Variants in SUGCT observed in about 807,000 individuals in gnomAD.
SUGCT encodes succinyl-CoA:glutarate CoA-transferase.
A neutral mutation model predicts 55.0 loss-of-function variants in SUGCT; 41 were observed. The ratio of observed to expected loss-of-function variants is 0.74; its 90% CI spans 0.58 to 0.97. The LOEUF is 0.97. Ranked by LOEUF, SUGCT falls within the 50% of genes least tolerant of loss-of-function variation. The pLI is 0.00. For synonymous variants in SUGCT, 187 were observed against 200.4 expected (o/e 0.93, Z 0.56); for missense variants, 568 against 547.8 (o/e 1.04, Z -0.37).
intron 13 of SUGCT, among the ~76,000 whole-genome samples, chr7:40,781,453 G>T (rs1789744340): frequency 6.6e-6 from 1 of 152,050 alleles, no homozygotes. Flanking sequence ...ACAAAATGCT[G>T]CAGTGCAGGG....
At chr7:40,294,743 C>T (rs1794012267) in intron 8 of SUGCT, among the ~76,000 whole-genome samples, 1 of 152,112 alleles carries the variant, frequency 6.6e-6, no homozygotes. Flanking sequence ...GATGGGGTTT[C>T]ACCATGTTGG....
chr7:40,290,704 C>T (rs1793684508), intron 8 of SUGCT, among the ~76,000 whole-genome samples: 1 of 152,112 alleles, frequency 6.6e-6, no homozygotes. Flanking sequence ...AAACTACCAT[C>T]AGAGTGAACA....
At chr7:40,674,641 T>G (rs748244457) in intron 12 of SUGCT, among the ~76,000 whole-genome samples, 31 of 152,026 alleles carry the variant, frequency 2.0e-4, no homozygotes, top group Non-Finnish European at 4.4e-5. Context: ...AACAGTAAAA[T>G]AAATAAAAAT....
chr7:40,487,250 G>GTTTTTTTTTTTTTT (rs1167865633), intron 11 of SUGCT, among the ~76,000 whole-genome samples: 2 of 42,908 alleles, frequency 4.7e-5, no homozygotes, highest in South Asian at 8.5e-4. Flanking sequence ...ACACCCAGCT[G>GTTTTTTTTTTTTTT]TTTTTTTTTT....
intron 7 of SUGCT, among the ~76,000 whole-genome samples, chr7:40,238,822 CT>C (rs200564913): frequency 0.56 from 77,641 of 138,210 alleles, 21,181 homozygotes; most frequent in Middle Eastern, 0.65. Context: ...GTGGCCTTTG[CT>C]TTTTTTTTTT....
At chr7:40,717,848 T>C (rs1786105304) in intron 12 of SUGCT, among the ~76,000 whole-genome samples, 1 of 152,124 alleles carries the variant, frequency 6.6e-6, no homozygotes, top group Non-Finnish European at 1.5e-5. Flanking sequence ...TATAAATACA[T>C]AGAAAAAAAT....
At chr7:40,998,661 G>T in the SUGCT span, among the ~76,000 whole-genome samples, 1 of 152,166 alleles carries the variant, frequency 6.6e-6, no homozygotes, top group Non-Finnish European at 1.5e-5. Flanking sequence ...CCTAGGTAAA[G>T]CCTAGAGTAT....
intron 12 of SUGCT, among the ~76,000 whole-genome samples, chr7:40,539,856 C>G (rs73308264): frequency 0.094 from 14,332 of 152,184 alleles, 728 homozygotes; most frequent in Middle Eastern, 0.11. Context: ...TGCTATCAAA[C>G]TATGGATATC....
the SUGCT span, among the ~76,000 whole-genome samples, chr7:41,011,308 T>C: frequency 6.6e-6 from 1 of 152,212 alleles, no homozygotes; most frequent in African/African-American, 2.4e-5. Flanking sequence ...CTACTGTACA[T>C]CCTTTCTTTA....
intron 6 of SUGCT, among the ~76,000 whole-genome samples, chr7:40,209,747 G>C (rs1787221146): frequency 6.6e-6 from 1 of 152,136 alleles, no homozygotes; most frequent in South Asian, 2.1e-4. Context: ...AGTGAGCCGA[G>C]ATCGTGCCAC....
intron 12 of SUGCT, among the ~76,000 whole-genome samples, chr7:40,635,852 T>A (rs1252132289): frequency 6.6e-6 from 1 of 152,228 alleles, no homozygotes; most frequent in Non-Finnish European, 1.5e-5. Context: ...GATTCAAGAC[T>A]GTTGATTCCT....
At chr7:40,908,651 C>G in the SUGCT span, among the ~76,000 whole-genome samples, 1 of 151,834 alleles carries the variant, frequency 6.6e-6, no homozygotes, top group South Asian at 2.1e-4. Context: ...TTTGTAATAC[C>G]ATATAATATA....
At chr7:40,826,824 A>G (rs1027587093) in intron 13 of SUGCT, among the ~76,000 whole-genome samples, 4 of 152,270 alleles carry the variant, frequency 2.6e-5, no homozygotes, top group Middle Eastern at 3.4e-3. Flanking sequence ...AAGAAAGGGT[A>G]TTTCTTTTAA....
At chr7:40,896,455 A>G in the SUGCT span, among the ~76,000 whole-genome samples, 1 of 152,152 alleles carries the variant, frequency 6.6e-6, no homozygotes, top group African/African-American at 2.4e-5. Context: ...CAGTTCCCAC[A>G]ATCCCCACGT....
chr7:40,362,341 C>A (rs6944436), intron 9 of SUGCT, among the ~76,000 whole-genome samples: 86,106 of 151,740 alleles, frequency 0.57, 24,507 homozygotes, highest in South Asian at 0.65. Flanking sequence ...ATCACTTGAA[C>A]CCAGGAGGCA....
intron 12 of SUGCT, among the ~76,000 whole-genome samples, chr7:40,639,563 G>A (rs979185470): frequency 3.4e-5 from 5 of 147,390 alleles, no homozygotes; most frequent in Admixed American, 2.7e-4. Context: ...CACCCAGGCT[G>A]GAGTGCAGTG....
rs775050248 is a variant in SUGCT at position 40,318,092 on chromosome 7, A to G, written c.816+1237A>G. Among the ~76,000 whole-genome samples the G allele has an allele frequency of 6.6e-5, 10 of 152,302 alleles. No homozygotes were observed. The East Asian group carries it at 1.3e-3, about 21-fold the overall frequency. On this transcript the variant is annotated intron_variant, in intron 9 of 13. Transcript: ENST00000335693. ...TGCTTCATTTCACAGACGTCATTAC[A>G]TTGTTGAATTGGTTAGAGATCATCA...
intron 13 of SUGCT, among the ~76,000 whole-genome samples, chr7:40,776,004 G>T (rs1205135662): frequency 6.6e-6 from 1 of 152,098 alleles, no homozygotes; most frequent in East Asian, 1.9e-4. Context: ...CCACTCACCT[G>T]AGCCCTTCCC....
the SUGCT span, among the ~76,000 whole-genome samples, chr7:40,995,761 G>A: frequency 2.0e-5 from 3 of 151,978 alleles, no homozygotes; most frequent in Non-Finnish European, 2.9e-5. Flanking sequence ...TAGCTCCCTG[G>A]CAATCCACCT....
Sources: allele counts gnomAD v4.1 joint callset (sites outside exome capture counted in the v4.1 genomes callset), GRCh38; gene constraint gnomAD v4.1.1; transcripts MANE v1.5; gene names NCBI Gene and HGNC (gene_info 2026-07-23, HGNC 2026-07-21).